The following ALS2CL variants were observed in gnomAD, a reference collection of about 807,000 sequenced individuals.
The protein encoded by ALS2CL is ALS2 C-terminal like, also known as ALS2 C-terminal-like protein.
Under a neutral mutation model 127.9 loss-of-function variants are expected in ALS2CL, and 112 were observed. That is an observed-to-expected ratio of 0.88 (90% CI 0.75 to 1.02). ALS2CL has a LOEUF of 1.02. Ranked by LOEUF, ALS2CL falls within the 50% of genes least tolerant of loss-of-function variation. ALS2CL has a pLI of 0.00. For synonymous variants in ALS2CL, 519 were observed against 527.6 expected (o/e 0.98, Z 0.22); for missense variants, 1,174 against 1,236.7 (o/e 0.95, Z 0.76).
At chr3:46,693,473 G>T (rs1425524422) in intron 1 of ALS2CL, 170 bp downstream of exon 1, 1 of 152,548 alleles carries the variant, frequency 6.6e-6, no homozygotes, top group Non-Finnish European at 1.5e-5. Context: ...ACGACGCTGT[G>T]AGCGGGGTAT....
rs752354279 is a variant in ALS2CL, at chr3:46,683,336, G to A, written c.913-10C>T. 1 of 1,570,546 alleles carries A rather than the reference G, an allele frequency of 6.4e-7. No individual in the cohort carries two copies. Among genetic ancestry groups the A allele is most frequent in the Non-Finnish European group, 8.6e-7 (1 of 1,157,222 alleles). ...TCCACTGCCAGACTGCCTGGTGGGA[G>A]GGGGAACATGGGGAAGGGGATCACT... is the stretch of plus-strand genomic sequence containing the variant. On this transcript the variant is annotated splice_polypyrimidine_tract_variant and intron_variant, in intron 9 of 25. Coordinates refer to ENST00000318962, the MANE Select transcript of ALS2CL (RefSeq NM_147129.5).
Position 46,681,159 on chromosome 3 carries a change from A to G in ALS2CL, c.1436+87T>C. 6.3e-7 allele frequency: 1 copy of G among 1,585,780 alleles called. No homozygotes were observed. Among genetic ancestry groups the G allele is most frequent in the South Asian group, 1.1e-5 (1 of 90,492 alleles). The stretch of plus-strand genomic sequence containing the variant: ...CTTAAGAGAGACACAGTGGGGGACA[A>G]ACAGGAGCCTGTGTCCTGCAACAAT... On this transcript the variant is annotated intron_variant, in intron 13 of 25. Coordinates refer to ENST00000318962, the MANE Select transcript of ALS2CL (RefSeq NM_147129.5). This position sits in a 1 kb window ranked among gnomAD's most constrained non-coding sequence, Gnocchi z 4.9.
At chr3:46,676,804 C>CCCCCCCCCCCCCCAAA in intron 17 of ALS2CL, 45 bp downstream of exon 17, 1 of 1,602,630 alleles carries the variant, frequency 6.2e-7, no homozygotes, top group Non-Finnish European at 8.5e-7. Flanking sequence ...AGGAAGCCCT[C>CCCCCCCCCCCCCCAAA]CCCAGCCCAC....
At position 46,676,879 on chromosome 3, in the gene ALS2CL, C is replaced by G. The variant is rs374384955; in HGVS notation, c.1901G>C (p.Arg634Pro). 1 of 1,584,674 alleles carries G rather than the reference C, an allele frequency of 6.3e-7. No individual in the cohort carries two copies. The highest frequency in any genetic ancestry group is 8.6e-7 in the Non-Finnish European group (1 of 1,161,880). Reference protein sequence around the residue: ...GFDVQSSRELRRSQDYLSCER... With the variant: ...GFDVQSSRELPRSQDYLSCER... ...GCAGGACAGGTAATCCTGAGACCTA[C>G]GCAGCTCCCTGGAGCTCTGCACGTC... is the stretch of plus-strand genomic sequence containing the variant. Residue 634 changes from arginine to proline, a missense_variant, in exon 17 of 26, where the codon CGT becomes CCT. Coordinates refer to ENST00000318962, the MANE Select transcript of ALS2CL (RefSeq NM_147129.5).
Position 46,671,930 on chromosome 3 carries a change from T to C in ALS2CL, c.2638A>G (p.Met880Val). 4 of 1,613,948 alleles carry C rather than the reference T, an allele frequency of 2.5e-6. No homozygotes were observed. The highest frequency in any genetic ancestry group is 2.2e-5 in the South Asian group (2 of 91,078). The change falls in exon 24 of 26, where the codon ATG becomes GTG. Residue 880 changes from methionine (M) to valine (V), a missense_variant. Coordinates refer to ENST00000318962, the MANE Select transcript of ALS2CL (RefSeq NM_147129.5). The stretch of plus-strand genomic sequence containing the variant: ...ATGAGAAGTGGCAGCAGGTCGTCCA[T>C]GGGCAGCTTGTACTCCCGGCCCAAT... ...RVLGREYKLP[M>V]DDLLPLLIYV... is the part of the protein sequence containing the mutation.
chr3:46,685,726 C>T, intron 6 of ALS2CL, 82 bp from the exon 7 acceptor site: 4 of 1,524,956 alleles, frequency 2.6e-6, no homozygotes, highest in African/African-American at 1.4e-5. Flanking sequence ...TCCCAATGTA[C>T]CCCAGACACC....
intron 1 of ALS2CL, among the ~76,000 whole-genome samples, chr3:46,692,135 T>C (rs1575457822): frequency 6.6e-6 from 1 of 150,912 alleles, no homozygotes; most frequent in South Asian, 2.1e-4. Context: ...AGGCAGTGGG[T>C]TGGGGGAAGG....
At chr3:46,678,816 T>G (rs896700666) in intron 15 of ALS2CL, among the ~76,000 whole-genome samples, 3 of 152,188 alleles carry the variant, frequency 2.0e-5, no homozygotes, top group East Asian at 3.9e-4. Context: ...AAACAGCCCC[T>G]ACATTTCCAA....
intron 14 of ALS2CL, 69 bp from the exon 15 acceptor site, chr3:46,679,356 A>G: frequency 7.4e-7 from 1 of 1,346,978 alleles, no homozygotes; most frequent in South Asian, 1.3e-5. Context: ...CAGGGTGGAG[A>G]GAGATGGCCA....
chr3:46,691,385 T>C (rs578042085), intron 1 of ALS2CL, among the ~76,000 whole-genome samples: 1 of 152,204 alleles, frequency 6.6e-6, no homozygotes, highest in Admixed American at 6.5e-5. Flanking sequence ...GAAAAGATAC[T>C]GCAGTAAATA....
Position 46,688,152 on chromosome 3 carries a change from A to G in ALS2CL, c.248T>C (p.Leu83Pro). The G allele has an allele frequency of 6.2e-7, 1 of 1,613,132 alleles. No individual in the cohort carries two copies. Among genetic ancestry groups the G allele is most frequent in the Non-Finnish European group, 8.5e-7 (1 of 1,179,990 alleles). The change falls in exon 3 of 26, where the codon CTG (leucine) becomes CCG (proline). Residue 83 changes from leucine to proline, a missense_variant. By Grantham distance (98) the Leu-to-Pro change is moderately conservative. Coordinates refer to ENST00000318962, the MANE Select transcript of ALS2CL (RefSeq NM_147129.5). Reference protein sequence around the residue: ...ERLRYPDSTGLESLLLLRGAD... With the variant: ...ERLRYPDSTGPESLLLLRGAD... The stretch of plus-strand genomic sequence containing the variant: ...ACCTCGCAGCAGCAGCAGGGACTCC[A>G]GACCGGTGGAGTCCGGGTAACGCAG...
At position 46,686,426 on chromosome 3, in the gene ALS2CL, C is replaced by G. The variant is rs371027094; in HGVS notation, c.548G>C (p.Arg183Pro). ...GGTGACTGCGTTCACCACCAGCTCC[C>G]GGGTTGGGTGATGCTGAAGGGGGAC... Reference protein sequence around the residue: ...GDTIGEHHPTRELVVNAVTLF... With the variant: ...GDTIGEHHPTPELVVNAVTLF... The change falls in exon 6 of 26, where the codon CGG (arginine) becomes CCG (proline). Residue 183 changes from arginine to proline, a missense_variant. Coordinates refer to ENST00000318962, the MANE Select transcript of ALS2CL (RefSeq NM_147129.5). The surrounding 1 kb of genome is among the most constrained non-coding windows in gnomAD (Gnocchi z 4.3). The G allele has an allele frequency of 3.6e-5, 58 of 1,612,942 alleles. No individual in the cohort carries two copies. Among genetic ancestry groups the G allele is most frequent in the Non-Finnish European group, 4.9e-5 (58 of 1,179,584 alleles).
At chr3:46,691,642 T>C (rs1700159794) in intron 1 of ALS2CL, among the ~76,000 whole-genome samples, 2 of 151,960 alleles carry the variant, frequency 1.3e-5, no homozygotes, top group Admixed American at 6.6e-5. Flanking sequence ...TCTCTGTACC[T>C]CAGCCACCCC....
chr3:46,692,866 C>T (rs974910344), intron 1 of ALS2CL, among the ~76,000 whole-genome samples: 1 of 152,222 alleles, frequency 6.6e-6, no homozygotes, highest in African/African-American at 2.4e-5. Flanking sequence ...CCTGTCCTCT[C>T]CCAGGCCTGG....
chr3:46,687,701 G>A lies in ALS2CL; in HGVS notation c.303-17C>T, dbSNP rs77819425. The stretch of plus-strand genomic sequence containing the variant: ...TCAATGTACCTGCAGGCAGCACAGG[G>A]GACACCCTGCAAACCCAGTCCTCAG... On this transcript the variant is annotated splice_polypyrimidine_tract_variant and intron_variant, in intron 3 of 25. Coordinates refer to ENST00000318962, the MANE Select transcript of ALS2CL (RefSeq NM_147129.5). 22,449 of 1,608,224 alleles carry A rather than the reference G, an allele frequency of 0.014. 201 individuals carry two copies. The highest frequency in any genetic ancestry group is 0.017 in the Non-Finnish European group (19,678 of 1,177,152).
At position 46,672,192 on chromosome 3, in the gene ALS2CL, G is replaced by A. The variant is rs1698456609; in HGVS notation, c.2482C>T (p.Leu828=). Residue 828 remains leucine, a synonymous_variant, in exon 23 of 26, where the codon CTG becomes TTG. Transcript: ENST00000318962. ...LTLTSNQRYS[L]VRDKCFLSAT... The stretch of plus-strand genomic sequence containing the variant: ...GACAGGAAACACTTGTCCCTGACCA[G>A]GGAGTACCTCTGCATGGTGGAGGGA... The A allele has an allele frequency of 1.2e-6, 2 of 1,613,964 alleles. No individual in the cohort carries two copies. Among genetic ancestry groups the A allele is most frequent in the African/African-American group, 1.3e-5 (1 of 74,910 alleles).
intron 7 of ALS2CL, 151 bp from the exon 8 acceptor site, chr3:46,684,198 T>C: frequency 1.1e-6 from 1 of 921,554 alleles, no homozygotes; most frequent in South Asian, 1.5e-5. Flanking sequence ...CCCTCTGGCT[T>C]GCTCCCCACC....
In ALS2CL at chr3:46,673,320, G is replaced by A. The variant is rs780090010; in HGVS notation, c.2472+19C>T. ...GACCTCTGGGGGCCCCTGGCTTGGG[G>A]CTCTGGCCTCCCTCTCACCTGATTG... On this transcript the variant is annotated intron_variant, in intron 22 of 25. Transcript: ENST00000318962. The A allele has an allele frequency of 1.9e-6, 3 of 1,558,010 alleles. No homozygotes were observed. The South Asian group carries it at 3.6e-5, about 18-fold the overall frequency.
chr3:46,671,134 G>A (rs1698350413), intron 25 of ALS2CL, 70 bp from the exon 26 acceptor site: 2 of 1,487,432 alleles, frequency 1.3e-6, no homozygotes, highest in Non-Finnish European at 1.9e-6. Context: ...AGGATCTAGG[G>A]CTCAATAGCT....
Sources: allele counts gnomAD v4.1 joint callset (sites outside exome capture counted in the v4.1 genomes callset), GRCh38; gene constraint gnomAD v4.1.1; non-coding constraint Gnocchi (gnomAD v3.1); transcripts MANE v1.5; gene names NCBI Gene and HGNC (gene_info 2026-07-23, HGNC 2026-07-21).